The following LRRC66 variants were observed in gnomAD, a reference collection of about 807,000 sequenced individuals.
LRRC66 encodes the protein leucine-rich repeat-containing protein 66.
Under a neutral mutation model 24.6 loss-of-function variants are expected in LRRC66, and 29 were observed. That is an observed-to-expected ratio of 1.18 (90% CI 0.88 to 1.61). The LOEUF is 1.61. Among genes scored for constraint, LRRC66 ranks in the 40% most tolerant of loss-of-function variants. LRRC66 has a pLI of 0.00. For missense variants in LRRC66, 1,124 were observed against 1,058.0 expected (o/e 1.06, Z -0.87); for synonymous variants, 411 against 397.6 (o/e 1.03, Z -0.40).
chr4:51,997,819 A>T lies in LRRC66; in HGVS notation c.785T>A (p.Val262Glu). 1 of 1,614,092 alleles carries T rather than the reference A, an allele frequency of 6.2e-7. No individual in the cohort carries two copies. Among genetic ancestry groups the T allele is most frequent in the South Asian group, 1.1e-5 (1 of 91,080 alleles). ...ADNNWQCDDS[V>E]AVFQNFISES... ...AGAAATAAAATTTTGAAAGACTGCC[A>T]CACTATCATCACACTGCCAGTTATT... Residue 262 changes from valine to glutamate, a missense_variant, in exon 4 of 5, where the codon GTG (valine) becomes GAG (glutamate). Coordinates refer to ENST00000682860, the MANE Select transcript of LRRC66 (RefSeq NM_001024611.3).
Position 51,994,278 on chromosome 4 carries a change from G to T in LRRC66, c.*101C>A. The T allele has an allele frequency of 8.8e-7, 1 of 1,130,880 alleles. No individual in the cohort carries two copies. Among genetic ancestry groups the T allele is most frequent in the Non-Finnish European group, 1.2e-6 (1 of 812,478 alleles). 70.1% of individuals were successfully genotyped at this position (1,130,880 alleles called of 1,614,324 possible). On this transcript the variant is annotated 3_prime_UTR_variant, in exon 5 of 5. Transcript: ENST00000682860. ...TGTCCACTTGGTTGGAATTCATGTT[G>T]TCTCCTTCAGGATCTTGTTGTGAAG...
In LRRC66 at chr4:51,995,235, T is replaced by G. The variant is rs200954186; in HGVS notation, c.1787A>C (p.Glu596Ala). The G allele has an allele frequency of 6.2e-7, 1 of 1,614,232 alleles. No homozygotes were observed. Among genetic ancestry groups the G allele is most frequent in the Admixed American group, 1.7e-5 (1 of 60,028 alleles). ...CTTACTATCTCCAGTCCTCTGTGCTTCTGCATGTGTTAGCATTTTACAGAG... is the reference window on the plus strand; with the variant it reads ...CTTACTATCTCCAGTCCTCTGTGCTGCTGCATGTGTTAGCATTTTACAGAG... ...ASLCKMLTHA[E>A]AQRTGDSKER... Residue 596 changes from glutamate to alanine, a missense_variant, in exon 5 of 5, where the codon GAA becomes GCA. By Grantham distance (107) the Glu-to-Ala change is moderately radical. Coordinates refer to ENST00000682860, the MANE Select transcript of LRRC66 (RefSeq NM_001024611.3).
chr4:51,995,095 C>A lies in LRRC66; in HGVS notation c.1927G>T (p.Ala643Ser). ...GCTGAAAGCGCTTCCTCAGCCCTTG[C>A]CCCGGACAGCCTTGGCTGCTGTATG... ...LSIQQPRLSGARAEEALSAHY... is the reference protein window; with the variant it reads ...LSIQQPRLSGSRAEEALSAHY... The change falls in exon 5 of 5, where the codon GCA becomes TCA. Residue 643 changes from alanine to serine, a missense_variant. Ala to Ser is a moderately conservative substitution (Grantham distance 99). Coordinates refer to ENST00000682860, the MANE Select transcript of LRRC66 (RefSeq NM_001024611.3). 7 of 1,614,206 alleles carry A rather than the reference C, an allele frequency of 4.3e-6. No individual in the cohort carries two copies. Among genetic ancestry groups the A allele is most frequent in the African/African-American group, 1.3e-5 (1 of 75,052 alleles).
intron 2 of LRRC66, among the ~76,000 whole-genome samples, chr4:52,003,723 G>T (rs1277098989): frequency 6.6e-6 from 1 of 152,180 alleles, no homozygotes; most frequent in African/African-American, 2.4e-5. Flanking sequence ...ACTACTAACA[G>T]TTAGAGTTAG....
intron 3 of LRRC66, among the ~76,000 whole-genome samples, chr4:52,002,814 G>T (rs1736486514): frequency 6.6e-6 from 1 of 152,198 alleles, no homozygotes; most frequent in Non-Finnish European, 1.5e-5. Context: ...CATCAGCCAG[G>T]GTGGTTTAGC....
intron 2 of LRRC66, among the ~76,000 whole-genome samples, chr4:52,009,938 T>G (rs532587083): frequency 1.3e-5 from 2 of 152,282 alleles, no homozygotes; most frequent in South Asian, 4.1e-4. Context: ...GTAAAATTTC[T>G]TAAAATTTTA....
At chr4:52,004,889 A>G (rs1272991457) in intron 2 of LRRC66, among the ~76,000 whole-genome samples, 1 of 152,256 alleles carries the variant, frequency 6.6e-6, no homozygotes, top group Non-Finnish European at 1.5e-5. Flanking sequence ...AAGTATGGAC[A>G]GCATAGAATC....
At chr4:52,012,803 C>T (rs1284408148) in intron 2 of LRRC66, among the ~76,000 whole-genome samples, 1 of 152,136 alleles carries the variant, frequency 6.6e-6, no homozygotes, top group Non-Finnish European at 1.5e-5. Context: ...TTAGCCTTTG[C>T]ATTTAAGTGG....
At chr4:52,018,821 T>C (rs1021228434) in intron 1 of LRRC66, among the ~76,000 whole-genome samples, 7 of 152,198 alleles carry the variant, frequency 4.6e-5, no homozygotes, top group African/African-American at 1.7e-4. Context: ...TCTATGCATA[T>C]CGCATACTGA....
In LRRC66 at chr4:52,003,352, T is replaced by A; in HGVS notation, c.537A>T (p.Ser179=). ...ACCCTATTTGCAATATCCCATTGAA[T>A]GACAGATCCAAACTCTGCAATGACT... ...KLKSLQSLDL[S]FNGILQIGWS... The change falls in exon 3 of 5, where the codon TCA becomes TCT. Residue 179 remains serine (S), a synonymous_variant. Coordinates refer to ENST00000682860, the MANE Select transcript of LRRC66 (RefSeq NM_001024611.3). The A allele has an allele frequency of 6.2e-7, 1 of 1,613,904 alleles. No individual in the cohort carries two copies. Among genetic ancestry groups the A allele is most frequent in the Non-Finnish European group, 8.5e-7 (1 of 1,179,922 alleles).
rs1736625542 is a variant in LRRC66 at position 52,008,094 on chromosome 4, T to C, written c.497-4702A>G. ...GATTAAGTTTTGTAAGTACTGACAC[T>C]ATCTTGTGAATGGGCTGCTGCTAGG... On this transcript the variant is annotated intron_variant, in intron 2 of 4. Transcript: ENST00000682860. Among the ~76,000 whole-genome samples the C allele has an allele frequency of 2.0e-5, 3 of 152,170 alleles. No individual in the cohort carries two copies. The South Asian group carries it at 6.2e-4, about 32-fold the overall frequency.
chr4:52,018,188 T>C (rs1359815301), intron 1 of LRRC66: 1 of 985,296 alleles, frequency 1.0e-6, no homozygotes, highest in Non-Finnish European at 1.2e-6. Flanking sequence ...TTCAAATCAT[T>C]ATGAAATCAT....
At position 52,003,392 on chromosome 4, in the gene LRRC66, C is replaced by A. The variant is rs376106340; in HGVS notation, c.497G>T (p.Gly166Val). ...CTGCAATGACTTCAGTTTCCACAGT[C>A]CTGTTAAAATGAAAAAGTAAGTTGA... ...QRNKLSDTPKGLWKLKSLQSL... is the reference protein window; with the variant it reads ...QRNKLSDTPKVLWKLKSLQSL... The change falls in exon 3 of 5, where the codon GGA becomes GTA. Residue 166 changes from glycine to valine, a missense_variant and splice_region_variant. Transcript: ENST00000682860. 8 of 1,606,864 alleles carry A rather than the reference C, an allele frequency of 5.0e-6. No individual in the cohort carries two copies. The African/African-American group carries it at 9.4e-5, about 19-fold the overall frequency.
At chr4:51,996,304 T>C (rs1367853352) in intron 4 of LRRC66, 139 bp from the exon 5 acceptor site, 2 of 769,024 alleles carry the variant, frequency 2.6e-6, no homozygotes, top group Non-Finnish European at 4.1e-6. Context: ...TGGAGCGCAG[T>C]GGCACAATCA....
chr4:52,003,399 A>G lies in LRRC66; in HGVS notation c.497-7T>C. ...GACTTCAGTTTCCACAGTCCTGTTA[A>G]AATGAAAAAGTAAGTTGAAATCTAA... On this transcript the variant is annotated splice_region_variant and splice_polypyrimidine_tract_variant and intron_variant, in intron 2 of 4. Coordinates refer to ENST00000682860, the MANE Select transcript of LRRC66 (RefSeq NM_001024611.3). 1 of 1,604,998 alleles carries G rather than the reference A, an allele frequency of 6.2e-7. No homozygotes were observed. The highest frequency in any genetic ancestry group is 8.5e-7 in the Non-Finnish European group (1 of 1,176,454).
intron 2 of LRRC66, among the ~76,000 whole-genome samples, chr4:52,007,103 C>A (rs1736605106): frequency 6.6e-6 from 1 of 152,182 alleles, no homozygotes; most frequent in South Asian, 2.1e-4. Context: ...CTTAGTTAAT[C>A]TGCTTGTGTC....
chr4:51,994,580 T>C lies in LRRC66; in HGVS notation c.2442A>G (p.Leu814=), dbSNP rs1736245059. 4.3e-6 allele frequency: 7 copies of C among 1,614,196 alleles called. No homozygotes were observed. The East Asian group carries it at 1.3e-4, about 31-fold the overall frequency. The change falls in exon 5 of 5, where the codon TTA becomes TTG. Residue 814 remains leucine (L), a synonymous_variant. Transcript: ENST00000682860. ...PWPRSPGNSP[L]GDEFPGMFTY... ...TGAACATGCCCGGAAACTCATCCCC[T>C]AAGGGACTATTCCCTGGTGACCTGG... is the stretch of plus-strand genomic sequence containing the variant.
chr4:51,998,461 T>C (rs1164647695), intron 3 of LRRC66, among the ~76,000 whole-genome samples: 1 of 152,204 alleles, frequency 6.6e-6, no homozygotes, highest in Non-Finnish European at 1.5e-5. Flanking sequence ...TGTTGCTTAA[T>C]TGGACTCAAA....
chr4:52,006,905 T>G (rs1055084080), intron 2 of LRRC66, among the ~76,000 whole-genome samples: 1 of 152,062 alleles, frequency 6.6e-6, no homozygotes, highest in Non-Finnish European at 1.5e-5. Context: ...TCAGGGAAGT[T>G]AAGAACTTGC....
Sources: allele counts gnomAD v4.1 joint callset (sites outside exome capture counted in the v4.1 genomes callset), GRCh38; gene constraint gnomAD v4.1.1; transcripts MANE v1.5; gene names NCBI Gene and HGNC (gene_info 2026-07-23, HGNC 2026-07-21).